The following TMEM182 variants were observed in gnomAD, a reference collection of about 807,000 sequenced individuals.
TMEM182 encodes transmembrane protein 182.
A neutral mutation model predicts 26.8 loss-of-function variants in TMEM182; 20 were observed. That is an observed-to-expected ratio of 0.75 (90% CI 0.53 to 1.09). TMEM182 has a LOEUF of 1.09. TMEM182 is among the 50% of genes least tolerant of loss of function. The pLI is 0.00. For synonymous variants in TMEM182, 109 were observed against 102.2 expected (o/e 1.07, Z -0.40); for missense variants, 277 against 275.5 (o/e 1.01, Z -0.04).
At chr2:102,761,330 C>G (rs1680205444), upstream of TMEM182, among the ~76,000 whole-genome samples, 1 of 152,148 alleles carries the variant, frequency 6.6e-6, no homozygotes, top group South Asian at 2.1e-4. Context: ...AGAAGTCGAT[C>G]AGGTTATTTC....
intron 4 of TMEM182, among the ~76,000 whole-genome samples, chr2:102,809,160 T>G (rs892916957): frequency 3.3e-5 from 5 of 152,196 alleles, no homozygotes; most frequent in African/African-American, 1.2e-4. Flanking sequence ...CTTCAAACTT[T>G]AGGTATGGGC....
At chr2:102,743,901 C>T (rs1679611376) in intron 1 of TMEM182, among the ~76,000 whole-genome samples, 1 of 152,084 alleles carries the variant, frequency 6.6e-6, no homozygotes, top group Admixed American at 6.6e-5. Context: ...GGTCAATTCT[C>T]CAAGAAGACC....
At chr2:102,800,304 C>T (rs1410566049) in intron 4 of TMEM182, among the ~76,000 whole-genome samples, 1 of 152,140 alleles carries the variant, frequency 6.6e-6, no homozygotes, top group Non-Finnish European at 1.5e-5. Context: ...TCTCTCCTGA[C>T]CAGCTCTAAG....
At chr2:102,838,914 G>A (rs1433443577) in intron 3 of TMEM182, among the ~76,000 whole-genome samples, 1 of 152,110 alleles carries the variant, frequency 6.6e-6, no homozygotes, top group Non-Finnish European at 1.5e-5. Context: ...GAGAAGTCAA[G>A]GATGGTTAAA....
chr2:102,771,574 T>C (rs1680676197), intron 3 of TMEM182, among the ~76,000 whole-genome samples: 4 of 152,198 alleles, frequency 2.6e-5, no homozygotes, highest in East Asian at 3.8e-4. Flanking sequence ...TTATGTAATA[T>C]CCCTGCAACG....
chr2:102,826,855 G>C (rs1395119828), intron 3 of TMEM182, among the ~76,000 whole-genome samples: 3 of 151,940 alleles, frequency 2.0e-5, no homozygotes, highest in Non-Finnish European at 4.4e-5. Flanking sequence ...CACCAAAGAA[G>C]ATAAATCATC....
At position 102,816,249 on chromosome 2, in the gene TMEM182, T is replaced by C. The variant is rs999089437; in HGVS notation, c.*1281T>C. The C allele has an allele frequency of 1.0e-4, 102 of 985,240 alleles. No individual in the cohort carries two copies. The highest frequency in any genetic ancestry group is 1.2e-4 in the Admixed American group (2 of 16,258). The allele number at this position is 985,240 out of a possible 1,614,324, so 61.0% of individuals were successfully genotyped here. A position where few individuals can be genotyped will look rare whatever the true frequency, so the allele number is the denominator to read the frequency against. ...AGCTCGGCAGGGTATGTGAGCTTTG[T>C]TGGAGGTGCGGTGTTTCATTCTGCA... On this transcript the variant is annotated 3_prime_UTR_variant, in exon 5 of 5. Coordinates refer to ENST00000412401, the MANE Select transcript of TMEM182 (RefSeq NM_144632.5).
At chr2:102,814,549 G>A (rs370089513) in intron 4 of TMEM182, among the ~76,000 whole-genome samples, 199 bp from the exon 5 acceptor site, 1 of 152,144 alleles carries the variant, frequency 6.6e-6, no homozygotes, top group African/African-American at 2.4e-5. Context: ...GGCTACTATA[G>A]CCCTCCTCTC....
intron 3 of TMEM182, among the ~76,000 whole-genome samples, chr2:102,790,911 CTG>C (rs1307032509): frequency 1.3e-4 from 20 of 152,176 alleles, no homozygotes; most frequent in African/African-American, 4.6e-4. Context: ...GATTCAATGA[CTG>C]TTTTATTTTA....
chr2:102,802,438 G>C (rs1322495772), intron 4 of TMEM182, among the ~76,000 whole-genome samples: 1 of 152,204 alleles, frequency 6.6e-6, no homozygotes, highest in African/African-American at 2.4e-5. Flanking sequence ...AGGAGAGTCA[G>C]TTCTGGGCAA....
intron 1 of TMEM182, among the ~76,000 whole-genome samples, chr2:102,746,586 C>G (rs1414973018): frequency 6.6e-6 from 1 of 152,002 alleles, no homozygotes; most frequent in Non-Finnish European, 1.5e-5. Context: ...CTGATCCCCT[C>G]TGAGTTACTT....
intron 1 of TMEM182, among the ~76,000 whole-genome samples, chr2:102,755,857 C>T (rs554631527): frequency 1.3e-5 from 2 of 152,222 alleles, no homozygotes; most frequent in South Asian, 4.1e-4. Context: ...ATTTGTTCCA[C>T]AACATGTGGA....
At chr2:102,841,745 A>G (rs1683355580) in intron 3 of TMEM182, among the ~76,000 whole-genome samples, 2 of 152,102 alleles carry the variant, frequency 1.3e-5, no homozygotes, top group Middle Eastern at 6.8e-3. Context: ...TTTTTGTCCT[A>G]TTTTCTGACT....
chr2:102,796,392 CTTG>C (rs1417721105), intron 3 of TMEM182, among the ~76,000 whole-genome samples: 1 of 152,178 alleles, frequency 6.6e-6, no homozygotes, highest in African/African-American at 2.4e-5. Context: ...TGAGCTGCTT[CTTG>C]TTGTTAATGA....
At chr2:102,763,460 A>G (rs774333566) in intron 2 of TMEM182, among the ~76,000 whole-genome samples, 14 of 152,218 alleles carry the variant, frequency 9.2e-5, no homozygotes, top group Non-Finnish European at 2.1e-4. Flanking sequence ...TCTTATCAAA[A>G]ATCAAAGTAT....
chr2:102,812,384 TACACACAC>T (rs61175945), intron 4 of TMEM182, among the ~76,000 whole-genome samples: 5,356 of 143,052 alleles, frequency 0.037, 225 homozygotes, highest in East Asian at 0.21. Flanking sequence ...TCTACACATG[TACACACAC>T]ACACACACAC....
chr2:102,758,008 G>T (rs562199567), upstream of TMEM182, among the ~76,000 whole-genome samples: 11 of 152,204 alleles, frequency 7.2e-5, no homozygotes, highest in East Asian at 2.1e-3. Flanking sequence ...CCTCCCACCA[G>T]GTCCCTCTTC....
At chr2:102,793,287 T>C (rs1340371349) in intron 3 of TMEM182, among the ~76,000 whole-genome samples, 4 of 152,188 alleles carry the variant, frequency 2.6e-5, no homozygotes, top group African/African-American at 9.7e-5. Context: ...TTTGTAGGAG[T>C]AGAGTCATGT....
intron 3 of TMEM182, among the ~76,000 whole-genome samples, chr2:102,772,882 A>G (rs1193900707): frequency 6.6e-6 from 1 of 152,116 alleles, no homozygotes; most frequent in African/African-American, 2.4e-5. Context: ...AGACATCATT[A>G]GGGCACATAA....
Sources: allele counts gnomAD v4.1 joint callset (sites outside exome capture counted in the v4.1 genomes callset), GRCh38; gene constraint gnomAD v4.1.1; transcripts MANE v1.5; gene names NCBI Gene and HGNC (gene_info 2026-07-23, HGNC 2026-07-21).